CDH13: variants seen among roughly 807,000 people sequenced by gnomAD.
CDH13 encodes cadherin-13.
CDH13 carries 24 observed loss-of-function variants against 63.8 expected under a neutral mutation model. That is an observed-to-expected ratio of 0.38 (90% confidence interval 0.27 to 0.53). The LOEUF is 0.53. Among genes scored for constraint, CDH13 ranks in the 20% least tolerant of loss-of-function variants. The pLI is 0.85. For missense variants in CDH13, 1,049 were observed against 903.1 expected, an observed-to-expected ratio of 1.16 and a Z score of -2.07; for synonymous variants, 503 against 355.3, an observed-to-expected ratio of 1.42 and a Z score of -4.67.
At chr16:83,316,563 T>C (rs1465281923) in intron 5 of CDH13, among the ~76,000 whole-genome samples, 1 of 152,016 alleles carries the variant, frequency 6.6e-6, no homozygotes, top group Non-Finnish European at 1.5e-5. Context: ...CTAGGGAATG[T>C]GGTCTAGGGA....
chr16:82,734,385 C>T (rs2033561231), intron 1 of CDH13, among the ~76,000 whole-genome samples: 1 of 152,086 alleles, frequency 6.6e-6, no homozygotes, highest in Non-Finnish European at 1.5e-5. Flanking sequence ...AGGGGACAGG[C>T]AGCACATAGG....
chr16:82,991,825 G>A (rs1404173854), intron 2 of CDH13, among the ~76,000 whole-genome samples: 2 of 148,648 alleles, frequency 1.3e-5, no homozygotes, highest in East Asian at 3.9e-4. Flanking sequence ...GAGGAAGAGG[G>A]AAGGAGAAAT....
intron 5 of CDH13, among the ~76,000 whole-genome samples, chr16:83,344,256 A>C (rs1168887427): frequency 6.6e-6 from 1 of 152,192 alleles, no homozygotes; most frequent in Non-Finnish European, 1.5e-5. Flanking sequence ...TGCCTTCTTC[A>C]TTGAGATCTG....
intron 7 of CDH13, among the ~76,000 whole-genome samples, chr16:83,579,547 C>G (rs1359890253): frequency 6.6e-6 from 1 of 152,080 alleles, no homozygotes; most frequent in Non-Finnish European, 1.5e-5. Context: ...ATGAGACCAG[C>G]AAGGGGGAAA....
chr16:83,416,415 C>T (rs1304421152), intron 6 of CDH13, among the ~76,000 whole-genome samples: 1 of 152,206 alleles, frequency 6.6e-6, no homozygotes, highest in Non-Finnish European at 1.5e-5. Context: ...TTTTGACTCT[C>T]ATGACCCTGT....
At chr16:82,974,391 A>G (rs1231759929) in intron 2 of CDH13, among the ~76,000 whole-genome samples, 1 of 152,152 alleles carries the variant, frequency 6.6e-6, no homozygotes. Flanking sequence ...AACACCCTGA[A>G]TAACTGCAGC....
intron 5 of CDH13, among the ~76,000 whole-genome samples, chr16:83,280,820 C>A (rs535299016): frequency 2.0e-5 from 3 of 152,340 alleles, no homozygotes; most frequent in African/African-American, 4.8e-5. Context: ...ACATTTCCGT[C>A]AGAGCTCTTG....
chr16:83,371,128 G>C (rs542798422), intron 6 of CDH13, among the ~76,000 whole-genome samples: 1 of 152,322 alleles, frequency 6.6e-6, no homozygotes, highest in East Asian at 1.9e-4. Context: ...GCAGTTTGGT[G>C]ATTTCTCAGT....
At chr16:82,749,743 C>T (rs1287231330) in intron 1 of CDH13, among the ~76,000 whole-genome samples, 1 of 152,112 alleles carries the variant, frequency 6.6e-6, no homozygotes, top group African/African-American at 2.4e-5. Flanking sequence ...CCTTGACAGT[C>T]ATTTTTTGCT....
At chr16:83,210,733 C>T (rs1052221375) in intron 4 of CDH13, among the ~76,000 whole-genome samples, 1 of 151,448 alleles carries the variant, frequency 6.6e-6, no homozygotes, top group Admixed American at 6.6e-5. Flanking sequence ...AAAAGAGTAA[C>T]CGATTAAAGT....
intron 4 of CDH13, among the ~76,000 whole-genome samples, chr16:83,193,820 G>C (rs945137227): frequency 2.0e-5 from 3 of 152,082 alleles, no homozygotes; most frequent in African/African-American, 7.2e-5. Context: ...CACCTATTTA[G>C]TGTTCTGCTT....
At chr16:82,651,356 T>G (rs769670677) in intron 1 of CDH13, among the ~76,000 whole-genome samples, 2 of 152,180 alleles carry the variant, frequency 1.3e-5, no homozygotes, top group Non-Finnish European at 2.9e-5. Flanking sequence ...ACATATACCA[T>G]CTTCATTGAT....
intron 5 of CDH13, among the ~76,000 whole-genome samples, chr16:83,273,267 C>T (rs370696132): frequency 2.2e-4 from 34 of 152,086 alleles, no homozygotes; most frequent in African/African-American, 6.3e-4. Flanking sequence ...GGTGTACAGA[C>T]GATTTTGTCA....
rs549789705 is a variant in CDH13 at position 83,728,919 on chromosome 16, G to T, written c.1539-19189G>T. 3.9e-5 allele frequency: 6 copies of T among 153,674 alleles called. No individual in the cohort carries two copies. In the South Asian group the frequency reaches 9.2e-4, roughly 24 times the overall value. The allele number at this position is 153,674 out of a possible 1,614,324, so 9.5% of individuals were successfully genotyped here. ...CATGGTTCTAGCTGGTTCAGTCTCT[G>T]GGGAGGGCTCTCTTTCTGGCTTGCA... is the stretch of plus-strand genomic sequence containing the variant. On this transcript the variant is annotated intron_variant, in intron 10 of 13. Transcript: ENST00000567109.
chr16:83,603,064 G>A (rs184383890), intron 8 of CDH13, among the ~76,000 whole-genome samples: 10 of 152,286 alleles, frequency 6.6e-5, no homozygotes, highest in Non-Finnish European at 1.2e-4. Context: ...GCTCATCCAG[G>A]AGAGCCATTA....
chr16:82,796,022 T>G (rs960787276), intron 1 of CDH13, among the ~76,000 whole-genome samples: 5 of 151,626 alleles, frequency 3.3e-5, no homozygotes, highest in Non-Finnish European at 7.4e-5. Context: ...GGGCCTGGGA[T>G]ACAAACTAAT....
chr16:83,647,246 C>T (rs1399623676), intron 8 of CDH13, among the ~76,000 whole-genome samples: 1 of 149,774 alleles, frequency 6.7e-6, no homozygotes, highest in Admixed American at 6.7e-5. Flanking sequence ...GGAGGCGGAG[C>T]TTGCAGTGAA....
intron 1 of CDH13, among the ~76,000 whole-genome samples, chr16:82,787,556 C>T (rs1001638311): frequency 1.8e-4 from 27 of 152,236 alleles, no homozygotes; most frequent in African/African-American, 6.3e-4. Flanking sequence ...TACAATTTAT[C>T]GAGCATTTAT....
chr16:83,018,513 T>C (rs2151449819), intron 2 of CDH13, among the ~76,000 whole-genome samples: 1 of 152,256 alleles, frequency 6.6e-6, no homozygotes, highest in South Asian at 2.1e-4. Context: ...GTCATATAGG[T>C]TCCACTTGAA....
Sources: allele counts gnomAD v4.1 joint callset (sites outside exome capture counted in the v4.1 genomes callset), GRCh38; gene constraint gnomAD v4.1.1; transcripts MANE v1.5; gene names NCBI Gene and HGNC (gene_info 2026-07-23, HGNC 2026-07-21).